Variants in DRD4 observed in about 807,000 individuals in gnomAD.
DRD4 encodes dopamine receptor D4, also known as D(4) dopamine receptor.
A neutral mutation model predicts 22.1 loss-of-function variants in DRD4; 26 were observed. The ratio of observed to expected loss-of-function variants is 1.17; its 90% CI spans 0.86 to 1.63. The LOEUF is 1.63. Ranked by LOEUF, DRD4 falls within the 40% of genes most tolerant of loss-of-function variation. The pLI is 0.00. For missense variants in DRD4, 913 were observed against 632.4 expected, an observed-to-expected ratio of 1.44 and a Z score of -4.76; for synonymous variants, 455 against 306.7, an observed-to-expected ratio of 1.48 and a Z score of -5.05.
chr11:640,338 A>AGGAGG, intron 3 of DRD4, 32 bp downstream of exon 3: 1 of 1,160,438 alleles, frequency 8.6e-7, no homozygotes, highest in African/African-American at 1.5e-5. Context: ...CGGGGAGGAG[A>AGGAGG]GGAGGGGGGG....
intron 1 of DRD4, among the ~76,000 whole-genome samples, chr11:637,854 C>T (rs938372920): frequency 3.3e-5 from 5 of 152,332 alleles, no homozygotes; most frequent in Admixed American, 1.3e-4. Context: ...AGGAGATGCC[C>T]GTCCTTCTAT....
rs1012012129 is a variant in DRD4 at position 639,693 on chromosome 11, G to A, written c.444G>A (p.Gly148=). The A allele has an allele frequency of 2.0e-6, 3 of 1,479,620 alleles. No individual in the cohort carries two copies. The highest frequency in any genetic ancestry group is 2.9e-5 in the African/African-American group (2 of 68,276). The allele number at this position is 1,479,620 out of a possible 1,614,324, so 91.7% of individuals were successfully genotyped here. The change falls in exon 3 of 4, where the codon GGG becomes GGA. Residue 148 remains glycine (G), a synonymous_variant. Transcript: ENST00000176183. ...CGCTGCGCTACAACCGGCAGGGTGG[G>A]AGCCGCCGGCAGCTGCTGCTCATCG... The part of the protein sequence containing the change: ...AVPLRYNRQG[G]SRRQLLLIGA...
Position 640,265 on chromosome 11 carries a change from G to T in DRD4, c.1016G>T (p.Gly339Val). Residue 339 changes from glycine (G) to valine (V), a missense_variant, in exon 3 of 4, where the codon GGC becomes GTC. Gly to Val is a moderately radical substitution (Grantham distance 109). Transcript: ENST00000176183. Reference protein sequence around the residue: ...TRRRRRAKITGRERKAMRVLP... With the variant: ...TRRRRRAKITVRERKAMRVLP... ...AGGAGGCGGCGTGCCAAGATCACCG[G>T]CCGGGAGCGCAAGGCCATGAGGGTC... is the stretch of plus-strand genomic sequence containing the variant. 1.3e-6 allele frequency: 2 copies of T among 1,533,904 alleles called. No individual in the cohort carries two copies. The highest frequency in any genetic ancestry group is 1.7e-6 in the Non-Finnish European group (2 of 1,146,856).
In DRD4 at chr11:639,668, C is replaced by T. The variant is rs765419488; in HGVS notation, c.419C>T (p.Pro140Leu). ...SVDRFVAVAV[P>L]LRYNRQGGSR... ...CGCAGGTTCGTGGCCGTGGCCGTGC[C>T]GCTGCGCTACAACCGGCAGGGTGGG... Residue 140 changes from proline to leucine, a missense_variant, in exon 3 of 4, where the codon CCG becomes CTG. By Grantham distance (98) the Pro-to-Leu change is moderately conservative. Coordinates refer to ENST00000176183, the MANE Select transcript of DRD4 (RefSeq NM_000797.4). 79 of 1,466,652 alleles carry T rather than the reference C, an allele frequency of 5.4e-5. No homozygotes were observed. Among genetic ancestry groups the T allele is most frequent in the Non-Finnish European group, 5.2e-5 (58 of 1,113,920 alleles). 90.9% of individuals were successfully genotyped at this position (1,466,652 alleles called of 1,614,324 possible). A position where few individuals can be genotyped will look rare whatever the true frequency, so the allele number is the denominator to read the frequency against.
Position 639,885 on chromosome 11 carries a change from C to T in DRD4, c.636C>T (p.Tyr212=), listed in dbSNP as rs755391412. 18 of 1,575,300 alleles carry T rather than the reference C, an allele frequency of 1.1e-5. No individual in the cohort carries two copies. Among genetic ancestry groups the T allele is most frequent in the Non-Finnish European group, 1.5e-5 (18 of 1,167,650 alleles). The part of the protein sequence containing the change: ...FLPCPLMLLL[Y]WATFRGLQRW... ...CCTGCCCGCTCATGCTGCTGCTCTA[C>T]TGGGCCACGTTCCGCGGCCTGCAGC... Residue 212 remains tyrosine, a synonymous_variant, in exon 3 of 4, where the codon TAC becomes TAT. Coordinates refer to ENST00000176183, the MANE Select transcript of DRD4 (RefSeq NM_000797.4).
rs188980115 is a variant in DRD4, at chr11:637,723, C to T, written c.285+134C>T. 2.2e-3 allele frequency: 3,292 copies of T among 1,474,114 alleles called. 54 individuals carry two copies. In the Admixed American group the frequency reaches 0.03, roughly 13 times the overall value. The allele number at this position is 1,474,114 out of a possible 1,614,324, so 91.3% of individuals were successfully genotyped here. A position where few individuals can be genotyped will look rare whatever the true frequency, so the allele number is the denominator to read the frequency against. ...AGCTGGGGCGGCGGCAGGGGCGCTG[C>T]GCCTTGTCCCTCGGCGATACACCCA... is the stretch of plus-strand genomic sequence containing the variant. On this transcript the variant is annotated intron_variant, in intron 1 of 3. Transcript: ENST00000176183.
chr11:640,008 CCCCCAGGA>C lies in DRD4; in HGVS notation c.764_771del (p.Gln255LeufsTer192). 1 of 1,251,066 alleles carries C rather than the reference CCCCCAGGA, an allele frequency of 8.0e-7. No individual in the cohort carries two copies. The highest frequency in any genetic ancestry group is 1.0e-6 in the Non-Finnish European group (1 of 1,002,060). 77.5% of individuals were successfully genotyped at this position (1,251,066 alleles called of 1,614,324 possible). A position where few individuals can be genotyped will look rare whatever the true frequency, so the allele number is the denominator to read the frequency against. Reference sequence around the variant, plus strand: ...CCCCCACGCCACCCGCGCCCCGCCTCCCCCAGGACCCCTGCGGCCCCGACTGTGCGCCC... The same window carrying C: ...CCCCCACGCCACCCGCGCCCCGCCTCCCCCTGCGGCCCCGACTGTGCGCCC... On this transcript the variant is annotated frameshift_variant, in exon 3 of 4. Coordinates refer to ENST00000176183, the MANE Select transcript of DRD4 (RefSeq NM_000797.4). LOFTEE classifies it high-confidence loss of function.
In DRD4 at chr11:637,351, G is replaced by A. The variant is rs1230103335; in HGVS notation, c.47G>A (p.Arg16His). The change falls in exon 1 of 4, where the codon CGC (arginine) becomes CAC (histidine). Residue 16 changes from arginine (R) to histidine (H), a missense_variant. By Grantham distance (29) the Arg-to-His change is conservative. Coordinates refer to ENST00000176183, the MANE Select transcript of DRD4 (RefSeq NM_000797.4). ...TADADGLLAG[R>H]GPAAGASAGA... Reference sequence around the variant, plus strand: ...GACGCGGACGGGCTGCTGGCTGGGCGCGGGCCGGCCGCGGGGGCATCTGCG... The same window carrying A: ...GACGCGGACGGGCTGCTGGCTGGGCACGGGCCGGCCGCGGGGGCATCTGCG... 6.2e-6 allele frequency: 8 copies of A among 1,291,350 alleles called. No homozygotes were observed. In the African/African-American group the frequency reaches 9.4e-5, roughly 15 times the overall value. The allele number at this position is 1,291,350 out of a possible 1,614,324, so 80.0% of individuals were successfully genotyped here. A position where few individuals can be genotyped will look rare whatever the true frequency, so the allele number is the denominator to read the frequency against.
rs1858222010 is a variant in DRD4, at chr11:640,625, C to G, written c.*22C>G. The stretch of plus-strand genomic sequence containing the variant: ...CTGAGCCGGGCACCCCCGGACGCCC[C>G]CCGGCCTGATGGCCAGGCCTCAGGG... On this transcript the variant is annotated 3_prime_UTR_variant, in exon 4 of 4. Coordinates refer to ENST00000176183, the MANE Select transcript of DRD4 (RefSeq NM_000797.4). The G allele has an allele frequency of 1.3e-6, 2 of 1,598,740 alleles. No homozygotes were observed. The highest frequency in any genetic ancestry group is 2.7e-5 in the African/African-American group (2 of 74,946).
chr11:638,408 G>T (rs1292843795), intron 1 of DRD4, among the ~76,000 whole-genome samples: 1 of 152,198 alleles, frequency 6.6e-6, no homozygotes, highest in African/African-American at 2.4e-5. Context: ...TCGAGCCGCA[G>T]ACGTCACAGT....
rs1187739945 is a variant in DRD4 at position 639,796 on chromosome 11, G to C, written c.547G>C (p.Ala183Pro). Residue 183 changes from alanine (A) to proline (P), a missense_variant, in exon 3 of 4, where the codon GCC becomes CCC. Ala to Pro is a conservative substitution (Grantham distance 27, BLOSUM62 -1). Coordinates refer to ENST00000176183, the MANE Select transcript of DRD4 (RefSeq NM_000797.4). Reference protein sequence around the residue: ...GLNDVRGRDPAVCRLEDRDYV... With the variant: ...GLNDVRGRDPPVCRLEDRDYV... ...CAACGACGTGCGCGGCCGCGACCCC[G>C]CCGTGTGCCGCCTGGAGGACCGCGA... 2 of 1,580,590 alleles carry C rather than the reference G, an allele frequency of 1.3e-6. No homozygotes were observed. The highest frequency in any genetic ancestry group is 1.7e-6 in the Non-Finnish European group (2 of 1,171,630).
rs1248931429 is a variant in DRD4, at chr11:637,378, G to A, written c.74G>A (p.Gly25Glu). ...GGGCCGGCCGCGGGGGCATCTGCGG[G>A]GGCATCTGCGGGGCTGGCTGGGCAG... ...GRGPAAGASAGASAGLAGQGA... is the reference protein window; with the variant it reads ...GRGPAAGASAEASAGLAGQGA... The change falls in exon 1 of 4, where the codon GGG becomes GAG. Residue 25 changes from glycine to glutamate, a missense_variant. Coordinates refer to ENST00000176183, the MANE Select transcript of DRD4 (RefSeq NM_000797.4). 1 of 1,366,280 alleles carries A rather than the reference G, an allele frequency of 7.3e-7. No homozygotes were observed. The highest frequency in any genetic ancestry group is 1.7e-5 in the South Asian group (1 of 57,612). The allele number at this position is 1,366,280 out of a possible 1,614,324, so 84.6% of individuals were successfully genotyped here. A position where few individuals can be genotyped will look rare whatever the true frequency, so the allele number is the denominator to read the frequency against.
intron 1 of DRD4, among the ~76,000 whole-genome samples, chr11:638,323 C>A (rs1362056139): frequency 3.9e-5 from 6 of 152,144 alleles, no homozygotes; most frequent in Non-Finnish European, 8.8e-5. Context: ...CGAGGTTTCC[C>A]CTTGATGGAC....
At position 640,038 on chromosome 11, in the gene DRD4, G is replaced by A. The variant is rs1858180741; in HGVS notation, c.789G>A (p.Ala263=). 1.7e-6 allele frequency: 2 copies of A among 1,186,652 alleles called. No homozygotes were observed. Among genetic ancestry groups the A allele is most frequent in the East Asian group, 3.9e-5 (1 of 25,584 alleles). The allele number at this position is 1,186,652 out of a possible 1,614,324, so 73.5% of individuals were successfully genotyped here. The change falls in exon 3 of 4, where the codon GCG becomes GCA. Residue 263 remains alanine, a synonymous_variant. Coordinates refer to ENST00000176183, the MANE Select transcript of DRD4 (RefSeq NM_000797.4). ...LPQDPCGPDC[A]PPAPGLPRGP... The stretch of plus-strand genomic sequence containing the variant: ...AGGACCCCTGCGGCCCCGACTGTGC[G>A]CCCCCCGCGCCCGGCCTTCCCCGGG...
chr11:637,612 A>G, intron 1 of DRD4, 23 bp downstream of exon 1: 1 of 1,540,412 alleles, frequency 6.5e-7, no homozygotes, highest in South Asian at 1.2e-5. Context: ...CGGCCGCACG[A>G]GCATCCTCAC....
chr11:639,559 C>G lies in DRD4; in HGVS notation c.398+14C>G. On this transcript the variant is annotated intron_variant, in intron 2 of 3. Transcript: ENST00000176183. ...CAGCGTGGACAGGTGCGCCGCCCTCCCCGCCCGCGCCCCGGCGCCCCCGCG... is the reference window on the plus strand; with the variant it reads ...CAGCGTGGACAGGTGCGCCGCCCTCGCCGCCCGCGCCCCGGCGCCCCCGCG... 1 of 1,441,982 alleles carries G rather than the reference C, an allele frequency of 6.9e-7. No homozygotes were observed. Among genetic ancestry groups the G allele is most frequent in the South Asian group, 1.4e-5 (1 of 72,562 alleles). 89.3% of individuals were successfully genotyped at this position (1,441,982 alleles called of 1,614,324 possible).
chr11:640,016 AC>A lies in DRD4; in HGVS notation c.771del (p.Cys258AlafsTer88). On this transcript the variant is annotated frameshift_variant, in exon 3 of 4. Transcript: ENST00000176183. LOFTEE classifies it high-confidence loss of function. ...PTPPAPRLPQ[D>X]PCGPDCAPPA... is the part of the protein sequence containing the mutation. ...CCACCCGCGCCCCGCCTCCCCCAGG[AC>A]CCCTGCGGCCCCGACTGTGCGCCCC... is the stretch of plus-strand genomic sequence containing the variant. 8.5e-7 allele frequency: 1 copy of A among 1,180,516 alleles called. No individual in the cohort carries two copies. Among genetic ancestry groups the A allele is most frequent in the Non-Finnish European group, 1.0e-6 (1 of 961,214 alleles). The allele number at this position is 1,180,516 out of a possible 1,614,324, so 73.1% of individuals were successfully genotyped here. A position where few individuals can be genotyped will look rare whatever the true frequency, so the allele number is the denominator to read the frequency against.
Position 637,404 on chromosome 11 carries a change from G to A in DRD4, c.100G>A (p.Gly34Ser). 6.7e-7 allele frequency: 1 copy of A among 1,489,134 alleles called. No homozygotes were observed. The highest frequency in any genetic ancestry group is 8.9e-7 in the Non-Finnish European group (1 of 1,126,836). The allele number at this position is 1,489,134 out of a possible 1,614,324, so 92.2% of individuals were successfully genotyped here. A position where few individuals can be genotyped will look rare whatever the true frequency, so the allele number is the denominator to read the frequency against. Residue 34 changes from glycine to serine, a missense_variant, in exon 1 of 4, where the codon GGC becomes AGC. Physicochemically the swap from Gly to Ser is moderately conservative, Grantham distance 56. Transcript: ENST00000176183. ...GGCATCTGCGGGGCTGGCTGGGCAG[G>A]GCGCGGCGGCGCTGGTGGGGGGCGT... ...AGASAGLAGQ[G>S]AAALVGGVLL...
At chr11:638,961 T>TA (rs1364949619) in intron 1 of DRD4, 1 of 165,942 alleles carries the variant, frequency 6.0e-6, no homozygotes, top group Non-Finnish European at 1.3e-5. Flanking sequence ...CTGCGGCTGT[T>TA]GTCCCAGCTA....
Sources: gnomAD v4.1 joint callset for allele counts (sites outside exome capture counted in the v4.1 genomes callset) on GRCh38, gnomAD v4.1.1 for gene constraint, MANE v1.5 for transcripts, NCBI Gene and HGNC (gene_info 2026-07-23, HGNC 2026-07-21) for gene names.